NFX1: variants seen among roughly 807,000 people sequenced by gnomAD.
NFX1 encodes the protein nuclear transcription factor, X-box binding 1.
NFX1 carries 69 observed loss-of-function variants against 137.2 expected under a neutral mutation model. The observed-to-expected ratio is 0.50, with a 90% CI of 0.41 to 0.61. The LOEUF (loss-of-function observed/expected upper bound fraction) is 0.61. NFX1 is among the 20% of genes least tolerant of loss of function. The pLI is 0.00. For synonymous variants in NFX1, 495 were observed against 474.1 expected (o/e 1.04, Z -0.57); for missense variants, 1,167 against 1,391.0 (o/e 0.84, Z 2.56).
chr9:33,344,118 A>T lies in NFX1; in HGVS notation c.2274A>T (p.Pro758=). Residue 758 remains proline, a synonymous_variant, in exon 14 of 24, where the codon CCA becomes CCT. Transcript: ENST00000379540. ...GTGGTGCATCAGTGATTTACCCTCC[A>T]GTTCCCTGTGGTACTAGGCCCCCTG... ...CHCGASVIYP[P]VPCGTRPPEC... 1 of 1,614,080 alleles carries T rather than the reference A, an allele frequency of 6.2e-7. No individual in the cohort carries two copies. The highest frequency in any genetic ancestry group is 8.5e-7 in the Non-Finnish European group (1 of 1,179,976).
chr9:33,344,832 C>T (rs1439380870), intron 14 of NFX1, among the ~76,000 whole-genome samples: 1 of 149,166 alleles, frequency 6.7e-6, no homozygotes, highest in Admixed American at 6.8e-5. Context: ...CACCACTGCA[C>T]TCCAGCCTGG....
At chr9:33,313,599 T>C in intron 6 of NFX1, 55 bp from the exon 7 acceptor site, 1 of 1,588,776 alleles carries the variant, frequency 6.3e-7, no homozygotes, top group Non-Finnish European at 8.6e-7. Flanking sequence ...GTTAGTTTGG[T>C]TGTCCAACAG....
At chr9:33,300,778 C>T in intron 2 of NFX1, among the ~76,000 whole-genome samples, 1 of 152,196 alleles carries the variant, frequency 6.6e-6, no homozygotes, top group East Asian at 1.9e-4. Flanking sequence ...TGACTAAAGA[C>T]TTTGAGGGCA....
chr9:33,364,634 A>G (rs1401328478), intron 20 of NFX1, 74 bp from the exon 21 acceptor site: 2 of 1,531,220 alleles, frequency 1.3e-6, no homozygotes, highest in Non-Finnish European at 1.8e-6. Context: ...TACGCTTTAC[A>G]GGGAGAGGAT....
At chr9:33,359,294 G>C (rs543257571) in intron 19 of NFX1, among the ~76,000 whole-genome samples, 1 of 151,850 alleles carries the variant, frequency 6.6e-6, no homozygotes, top group East Asian at 1.9e-4. Flanking sequence ...TTGAATGGAG[G>C]GTGGTAATAA....
At chr9:33,368,355 AT>A (rs1320998345) in intron 23 of NFX1, among the ~76,000 whole-genome samples, 3 of 152,200 alleles carry the variant, frequency 2.0e-5, no homozygotes, top group Non-Finnish European at 4.4e-5. Flanking sequence ...GGTTTGAATA[AT>A]TTTTATAACA....
chr9:33,313,813 GCTAGCAATGCT>G lies in NFX1; in HGVS notation c.1588+21_1588+31del. 6.2e-7 allele frequency: 1 copy of G among 1,605,102 alleles called. No individual in the cohort carries two copies. Among genetic ancestry groups the G allele is most frequent in the East Asian group, 2.2e-5 (1 of 44,650 alleles). ...ACCAGGGTAAGTGGTGGGCACACCA[GCTAGCAATGCT>G]TGTGTTCTTTTCTGGAACCTTATTA... On this transcript the variant is annotated intron_variant, in intron 7 of 23. Coordinates refer to ENST00000379540, the MANE Select transcript of NFX1 (RefSeq NM_002504.6).
At chr9:33,337,116 ATCC>A (rs1485417112) in intron 11 of NFX1, among the ~76,000 whole-genome samples, 3 of 152,100 alleles carry the variant, frequency 2.0e-5, no homozygotes, top group Non-Finnish European at 4.4e-5. Flanking sequence ...GGCTCGAGCA[ATCC>A]TCCTGCCCTA....
intron 14 of NFX1, among the ~76,000 whole-genome samples, chr9:33,344,687 G>C (rs988880240): frequency 2.0e-5 from 3 of 151,810 alleles, no homozygotes; most frequent in Non-Finnish European, 2.9e-5. Context: ...CCAACATGGT[G>C]AAACCCCGTC....
intron 2 of NFX1, 90 bp from the exon 3 acceptor site, chr9:33,301,171 CTT>C (rs1564102874): frequency 8.5e-7 from 1 of 1,173,068 alleles, no homozygotes; most frequent in Non-Finnish European, 1.2e-6. Flanking sequence ...GGATTCTTCT[CTT>C]GAGTGACTTG....
chr9:33,328,712 C>T (rs1191126301), intron 10 of NFX1, 34 bp downstream of exon 10: 24 of 1,516,102 alleles, frequency 1.6e-5, no homozygotes, highest in Non-Finnish European at 2.1e-5. Flanking sequence ...TTGTTGCCAT[C>T]AATGTTTTCT....
Position 33,338,315 on chromosome 9 carries a change from A to C in NFX1, c.2036-195A>C, listed in dbSNP as rs553387606. The stretch of plus-strand genomic sequence containing the variant: ...TGTTGCAGTGAGCCGAGATCACACC[A>C]CTGCACTCCAGCCTGGGCGACAGAG... On this transcript the variant is annotated intron_variant, in intron 11 of 23. Coordinates refer to ENST00000379540, the MANE Select transcript of NFX1 (RefSeq NM_002504.6). Among the ~76,000 whole-genome samples the C allele has an allele frequency of 8.5e-5, 13 of 152,330 alleles. No homozygotes were observed. The East Asian group carries it at 2.5e-3, about 29-fold the overall frequency.
chr9:33,326,836 G>C (rs1462849493), intron 9 of NFX1, among the ~76,000 whole-genome samples: 1 of 152,130 alleles, frequency 6.6e-6, no homozygotes, highest in African/African-American at 2.4e-5. Flanking sequence ...ATATAGATGT[G>C]ATATGTATAA....
At chr9:33,299,247 A>G (rs149806027) in intron 2 of NFX1, among the ~76,000 whole-genome samples, 1 of 152,242 alleles carries the variant, frequency 6.6e-6, no homozygotes, top group African/African-American at 2.4e-5. Flanking sequence ...TTTTCTGCCA[A>G]TGTCCTTTTT....
chr9:33,321,801 C>T (rs1011078115), intron 9 of NFX1, among the ~76,000 whole-genome samples: 2 of 151,666 alleles, frequency 1.3e-5, no homozygotes, highest in African/African-American at 2.4e-5. Context: ...ATCATTTGAC[C>T]CTGGGATGTT....
At chr9:33,303,487 C>A (rs183841570) in intron 4 of NFX1, among the ~76,000 whole-genome samples, 4 of 152,284 alleles carry the variant, frequency 2.6e-5, no homozygotes, top group African/African-American at 9.6e-5. Context: ...GCTCATGCTG[C>A]TTCTGGGCTG....
In NFX1 at chr9:33,351,597, C is replaced by T. The variant is rs1823638284; in HGVS notation, c.2462C>T (p.Ser821Phe). ...ATCCCCTGTCACCTGGTTGATATCT[C>T]TTGCGGATTACCCTGCAGTGCCACG... The part of the protein sequence containing the change: ...SNIPCHLVDI[S>F]CGLPCSATLP... Residue 821 changes from serine to phenylalanine, a missense_variant, in exon 16 of 24, where the codon TCT becomes TTT. Physicochemically the swap from Ser to Phe is radical, Grantham distance 155. Around this residue, in one of 3 missense-constraint regions of NFX1, gnomAD observed 488 missense variants for 691.5 expected, o/e 0.71. Transcript: ENST00000379540. The T allele has an allele frequency of 1.2e-6, 2 of 1,614,236 alleles. No individual in the cohort carries two copies. Among genetic ancestry groups the T allele is most frequent in the Non-Finnish European group, 1.7e-6 (2 of 1,180,046 alleles).
At chr9:33,341,322 T>A (rs560512970) in intron 12 of NFX1, among the ~76,000 whole-genome samples, 15 of 152,212 alleles carry the variant, frequency 9.9e-5, no homozygotes, top group Admixed American at 6.5e-5. Context: ...TTAGATCTCA[T>A]GAGACTTATT....
Position 33,352,193 on chromosome 9 carries a change from A to T in NFX1, c.2655+403A>T, listed in dbSNP as rs577492238. The stretch of plus-strand genomic sequence containing the variant: ...CAGATACTTGATTATTACTTAGATA[A>T]CTAATTATGGCTGTGGTGTCATGAG... On this transcript the variant is annotated intron_variant, in intron 16 of 23. Coordinates refer to ENST00000379540, the MANE Select transcript of NFX1 (RefSeq NM_002504.6). 5.9e-5 allele frequency among the ~76,000 whole-genome samples: 9 copies of T among 152,302 alleles called. No individual in the cohort carries two copies. The East Asian group carries it at 1.3e-3, about 23-fold the overall frequency.
Sources: gnomAD v4.1 joint callset for allele counts (sites outside exome capture counted in the v4.1 genomes callset) on GRCh38, gnomAD v4.1.1 for gene constraint, gnomAD v4.1.1 regional missense constraint, MANE v1.5 for transcripts, NCBI Gene and HGNC (gene_info 2026-07-23, HGNC 2026-07-21) for gene names.